Variants in TYW1B observed in about 807,000 individuals in gnomAD.
TYW1B encodes S-adenosyl-L-methionine-dependent tRNA 4-demethylwyosine synthase TYW1B.
Under a neutral mutation model 86.9 loss-of-function variants are expected in TYW1B, and 73 were observed. The observed-to-expected ratio is 0.84, with a 90% CI of 0.70 to 1.02. The LOEUF (loss-of-function observed/expected upper bound fraction) is 1.02. Among genes scored for constraint, TYW1B ranks in the 50% least tolerant of loss-of-function variants. The pLI, the probability that TYW1B is intolerant of heterozygous loss-of-function variation, is 0.00. For missense variants in TYW1B, 637 were observed against 827.4 expected (o/e 0.77, Z 2.82); for synonymous variants, 248 against 292.8 (o/e 0.85, Z 1.56).
chr7:72,580,119 A>C (rs1299840374), intron 13 of TYW1B, among the ~76,000 whole-genome samples: 4 of 152,196 alleles, frequency 2.6e-5, no homozygotes, highest in Non-Finnish European at 4.4e-5. Context: ...ACAAACATTC[A>C]GTCCTTAAGA....
At chr7:72,820,032 C>T (rs113559722) in intron 2 of TYW1B, among the ~76,000 whole-genome samples, 2 of 151,970 alleles carry the variant, frequency 1.3e-5, no homozygotes, top group African/African-American at 2.4e-5. Flanking sequence ...CCCAGCACTT[C>T]GGGAGGCCAA....
chr7:72,706,498 G>C (rs35525900), intron 10 of TYW1B, among the ~76,000 whole-genome samples: 7 of 150,408 alleles, frequency 4.7e-5, no homozygotes, highest in Admixed American at 1.3e-4. Flanking sequence ...TACCAAAATG[G>C]AGACTGCATA....
chr7:72,812,652 G>A (rs1156413246), intron 3 of TYW1B, among the ~76,000 whole-genome samples: 4 of 151,612 alleles, frequency 2.6e-5, no homozygotes, highest in Non-Finnish European at 5.9e-5. Flanking sequence ...CTAAGACAGG[G>A]CCGGTAAACT....
At chr7:72,694,062 G>A (rs1814245035) in intron 11 of TYW1B, among the ~76,000 whole-genome samples, 1 of 152,144 alleles carries the variant, frequency 6.6e-6, no homozygotes, top group Admixed American at 6.5e-5. Flanking sequence ...CCAGGTTCAA[G>A]TGATTCTCCT....
At chr7:72,658,658 A>C (rs1212143585) in intron 11 of TYW1B, among the ~76,000 whole-genome samples, 2 of 152,248 alleles carry the variant, frequency 1.3e-5, no homozygotes, top group Non-Finnish European at 2.9e-5. Context: ...AGCATGATAC[A>C]TTAAAACAAT....
intron 10 of TYW1B, among the ~76,000 whole-genome samples, chr7:72,697,654 A>C (rs528985397): frequency 6.6e-6 from 1 of 152,186 alleles, no homozygotes; most frequent in Admixed American, 6.6e-5. Context: ...CAAAATCACC[A>C]TAATAATTCC....
chr7:72,822,100 CA>C (rs745995378), intron 2 of TYW1B, among the ~76,000 whole-genome samples: 2 of 144,906 alleles, frequency 1.4e-5, no homozygotes, highest in Non-Finnish European at 3.0e-5. Context: ...ACAAAAATCC[CA>C]GCACTTTGGG....
chr7:72,651,316 C>T (rs1208938327), intron 11 of TYW1B, among the ~76,000 whole-genome samples: 1 of 152,116 alleles, frequency 6.6e-6, no homozygotes, highest in Non-Finnish European at 1.5e-5. Context: ...TCTTATCATA[C>T]CTTAAAAAAG....
At chr7:72,779,051 G>A (rs1286152755) in intron 6 of TYW1B, among the ~76,000 whole-genome samples, 1 of 151,798 alleles carries the variant, frequency 6.6e-6, no homozygotes, top group African/African-American at 2.4e-5. Flanking sequence ...CACTTTAGGG[G>A]AGATACTCAT....
chr7:72,619,647 CAAAA>C (rs34309451), intron 12 of TYW1B, among the ~76,000 whole-genome samples: 2 of 68,758 alleles, frequency 2.9e-5, no homozygotes. Flanking sequence ...GACTCCGTCT[CAAAA>C]AAAAAAAAAA....
In TYW1B at chr7:72,777,653, C is replaced by A. The variant is rs1467180257; in HGVS notation, c.847-120G>T. 3 of 1,170,428 alleles carry A rather than the reference C, an allele frequency of 2.6e-6. No homozygotes were observed. The African/African-American group carries it at 4.6e-5, about 18-fold the overall frequency. 72.5% of individuals were successfully genotyped at this position (1,170,428 alleles called of 1,614,324 possible). On this transcript the variant is annotated intron_variant, in intron 6 of 13. Transcript: ENST00000620995. ...TTATGAGGCTGGGCATAGTGGCTCACGCCTGTAATCCCAGCATTTTAGAAG... is the reference window on the plus strand; with the variant it reads ...TTATGAGGCTGGGCATAGTGGCTCAAGCCTGTAATCCCAGCATTTTAGAAG...
intron 8 of TYW1B, among the ~76,000 whole-genome samples, chr7:72,743,841 T>C (rs1455224531): frequency 2.3e-5 from 3 of 132,834 alleles, no homozygotes; most frequent in Non-Finnish European, 4.7e-5. Context: ...CGAAACTCCA[T>C]CTCAAAAAAA....
rs1435511014 is a variant in TYW1B, at chr7:72,766,152, C to G, written c.964+11264G>C. Among the ~76,000 whole-genome samples the G allele has an allele frequency of 3.9e-5, 6 of 152,288 alleles. No homozygotes were observed. In the East Asian group the frequency reaches 1.2e-3, roughly 29 times the overall value. On this transcript the variant is annotated intron_variant, in intron 7 of 13. Coordinates refer to ENST00000620995, the MANE Select transcript of TYW1B (RefSeq NM_001145440.3). ...ATAAATTCCTCTGGGAAAGCTGAAA[C>G]CCATATACACAAAACAAAACAGCTC...
At position 72,713,643 on chromosome 7, in the gene TYW1B, CAT is replaced by C; in HGVS notation, c.1346_1347del (p.Asn449SerfsTer45). 6.2e-7 allele frequency: 1 copy of C among 1,613,968 alleles called. No individual in the cohort carries two copies. ...CACCTGATTTCCGCAGGAAATTGTG[CAT>C]TTGTGACCAGGAAGCTGGAGATTTT... ...QCKISSFLVTNAQFPAEIRNL... is the reference protein window; with the variant it reads ...QCKISSFLVTXAQFPAEIRNL... On this transcript the variant is annotated frameshift_variant, in exon 10 of 14. Coordinates refer to ENST00000620995, the MANE Select transcript of TYW1B (RefSeq NM_001145440.3). LOFTEE classifies it high-confidence loss of function.
Position 72,632,311 on chromosome 7 carries a change from A to ACG in TYW1B, c.1507-3315_1507-3314insCG, listed in dbSNP as rs1563038416. On this transcript the variant is annotated intron_variant, in intron 11 of 13. Transcript: ENST00000620995. ...TATATATATATATACGTGTATATAT[A>ACG]TTATATATATTATATATATATACAC... Among the ~76,000 whole-genome samples the ACG allele has an allele frequency of 1.7e-4, 16 of 92,462 alleles. 1 individual carries two copies. Among genetic ancestry groups the ACG allele is most frequent in the African/African-American group, 8.7e-4 (16 of 18,466 alleles). The allele number at this position is 92,462 out of a possible 152,430, so 60.7% of individuals were successfully genotyped here.
intron 12 of TYW1B, among the ~76,000 whole-genome samples, chr7:72,621,987 G>A (rs1474675616): frequency 6.6e-6 from 1 of 152,236 alleles, no homozygotes; most frequent in Non-Finnish European, 1.5e-5. Flanking sequence ...CAGCTAGGGT[G>A]CCAACAGTAA....
chr7:72,612,885 G>GACT (rs1211140828), intron 13 of TYW1B, among the ~76,000 whole-genome samples: 3 of 151,984 alleles, frequency 2.0e-5, no homozygotes, highest in African/African-American at 7.3e-5. Context: ...AAGTAGCTGG[G>GACT]ACTACAGGTT....
chr7:72,708,251 AGATTCCCCT>A (rs1554454028), intron 10 of TYW1B, among the ~76,000 whole-genome samples: 8 of 152,322 alleles, frequency 5.3e-5, no homozygotes. Flanking sequence ...GACAAAGTCT[AGATTCCCCT>A]GAAAAGATAC....
chr7:72,778,969 A>C (rs1419185828), intron 6 of TYW1B, among the ~76,000 whole-genome samples: 1 of 152,056 alleles, frequency 6.6e-6, no homozygotes, highest in Non-Finnish European at 1.5e-5. Flanking sequence ...TTTTAAGGAT[A>C]TCTCCCTATC....
Sources: gnomAD v4.1 joint callset for allele counts (sites outside exome capture counted in the v4.1 genomes callset) on GRCh38, gnomAD v4.1.1 for gene constraint, MANE v1.5 for transcripts, NCBI Gene and HGNC (gene_info 2026-07-23, HGNC 2026-07-21) for gene names.